The following STK25 variants were observed in gnomAD, a reference collection of about 807,000 sequenced individuals.
STK25 encodes the protein serine/threonine-protein kinase 25.
STK25 carries 29 observed loss-of-function variants against 53.8 expected under a neutral mutation model. The ratio of observed to expected loss-of-function variants is 0.54; its 90% CI spans 0.40 to 0.74. STK25 has a LOEUF of 0.74. Ranked by LOEUF, STK25 falls within the 30% of genes least tolerant of loss-of-function variation. The probability of loss-of-function intolerance (pLI) is 0.00; values close to 1 mark genes in which losing one functional copy is unlikely to be tolerated. For missense variants in STK25, 420 were observed against 568.0 expected, an observed-to-expected ratio of 0.74 and a Z score of 2.65; for synonymous variants, 247 against 238.3, an observed-to-expected ratio of 1.04 and a Z score of -0.33.
At position 241,496,524 on chromosome 2, in the gene STK25, TTC is replaced by T; in HGVS notation, c.1113_1114del (p.Lys372AlafsTer151). 5.6e-6 allele frequency: 9 copies of T among 1,613,570 alleles called. No homozygotes were observed. The highest frequency in any genetic ancestry group is 7.6e-6 in the Non-Finnish European group (9 of 1,179,894). ...CACGCTCCCGCCGCTCTGCTTGTGC[TTC>T]TCTTTGAGCTGTGAAAAGACCACCA... is the stretch of plus-strand genomic sequence containing the variant. On this transcript the variant is annotated frameshift_variant, in exon 11 of 12. Transcript: ENST00000316586. LOFTEE classifies it high-confidence loss of function. This position sits in a 1 kb window ranked among gnomAD's most constrained non-coding sequence, Gnocchi z 5.8.
chr2:241,508,624 C>A, upstream of STK25: 1 of 987,022 alleles, frequency 1.0e-6, no homozygotes, highest in African/African-American at 1.7e-5. Context: ...CGTCGCGGCC[C>A]GCGCACGGCT....
intron 9 of STK25, 44 bp downstream of exon 9, chr2:241,498,191 G>A (rs1176066992): frequency 6.4e-7 from 1 of 1,563,596 alleles, no homozygotes; most frequent in South Asian, 1.1e-5. Context: ...CCATCCCACG[G>A]CCCCAGGGGT....
At chr2:241,506,998 G>T (rs1347600993) in intron 2 of STK25, among the ~76,000 whole-genome samples, 1 of 152,180 alleles carries the variant, frequency 6.6e-6, no homozygotes, top group African/African-American at 2.4e-5. Context: ...TTCCTCCAAA[G>T]CAGCCCTGAC....
At chr2:241,508,199 G>A in intron 1 of STK25, 64 bp from the exon 2 acceptor site, 2 of 1,354,510 alleles carry the variant, frequency 1.5e-6, no homozygotes, top group Non-Finnish European at 9.4e-7. Flanking sequence ...CTCCGGGGCG[G>A]CGGGCTCCAT....
At chr2:241,505,111 G>T (rs1350694936) in intron 2 of STK25, among the ~76,000 whole-genome samples, 1 of 149,824 alleles carries the variant, frequency 6.7e-6, no homozygotes, top group Non-Finnish European at 1.5e-5. Context: ...TTTTTGTAGA[G>T]ACAGGGTTTC....
At chr2:241,499,223 A>T in intron 6 of STK25, 34 bp downstream of exon 6, 1 of 1,613,802 alleles carries the variant, frequency 6.2e-7, no homozygotes, top group South Asian at 1.1e-5. Context: ...CGAGCCAGGC[A>T]TGGTGCCCGC....
rs1228752113 is a variant in STK25 at position 241,495,412 on chromosome 2, C to T, written c.*250G>A. 9.5e-6 allele frequency: 5 copies of T among 524,134 alleles called. No individual in the cohort carries two copies. Among genetic ancestry groups the T allele is most frequent in the Admixed American group, 3.2e-5 (1 of 30,980 alleles). 32.5% of individuals were successfully genotyped at this position (524,134 alleles called of 1,614,324 possible). On this transcript the variant is annotated 3_prime_UTR_variant, in exon 12 of 12. Transcript: ENST00000316586. ...CGCCGGCGGCTGGAGCCCCCGTGAG[C>T]AATACTGCTGGGCCAGGAGAGGGAG...
chr2:241,502,557 G>A (rs1046673445), intron 2 of STK25, among the ~76,000 whole-genome samples: 10 of 152,074 alleles, frequency 6.6e-5, no homozygotes, highest in Non-Finnish European at 1.0e-4. Flanking sequence ...GACTAACATG[G>A]TAAAACCCCA....
chr2:241,497,315 C>G, intron 10 of STK25: 1 of 344,404 alleles, frequency 2.9e-6, no homozygotes, highest in South Asian at 4.5e-5. Flanking sequence ...CGGCACCTGC[C>G]CGGGGATGGA....
chr2:241,501,774 G>A lies in STK25; in HGVS notation c.31-66C>T. ...TCACAAGAGGCGGGGGACAGGCAGA[G>A]GCTGCCCTGCTGGGGAGGAAGGGAC... On this transcript the variant is annotated intron_variant, in intron 2 of 11. Coordinates refer to ENST00000316586, the MANE Select transcript of STK25 (RefSeq NM_001271977.2). The surrounding 1 kb of genome is among the most constrained non-coding windows in gnomAD (Gnocchi z 5.3). 1 of 1,305,804 alleles carries A rather than the reference G, an allele frequency of 7.7e-7. No individual in the cohort carries two copies. The highest frequency in any genetic ancestry group is 2.3e-5 in the East Asian group (1 of 43,004). 80.9% of individuals were successfully genotyped at this position (1,305,804 alleles called of 1,614,324 possible).
Position 241,501,567 on chromosome 2 carries a change from C to T in STK25, c.172G>A (p.Asp58Asn). 1 of 1,614,158 alleles carries T rather than the reference C, an allele frequency of 6.2e-7. No individual in the cohort carries two copies. Among genetic ancestry groups the T allele is most frequent in the Non-Finnish European group, 8.5e-7 (1 of 1,180,040 alleles). ...TCCTGCTGGATGTCCTCGATCTCATCCTCGGCCTCCTCCAGGTCGATGATC... is the reference window on the plus strand; with the variant it reads ...TCCTGCTGGATGTCCTCGATCTCATTCTCGGCCTCCTCCAGGTCGATGATC... The part of the protein sequence containing the change: ...IKIIDLEEAE[D>N]EIEDIQQEIT... Residue 58 changes from aspartate (D) to asparagine (N), a missense_variant, in exon 3 of 12, where the codon GAT becomes AAT. By Grantham distance (23) the Asp-to-Asn change is conservative. Transcript: ENST00000316586. The surrounding 1 kb of genome is among the most constrained non-coding windows in gnomAD (Gnocchi z 5.3).
At chr2:241,500,592 T>C (rs1438034192) in intron 4 of STK25, 148 bp downstream of exon 4, 2 of 860,190 alleles carry the variant, frequency 2.3e-6, no homozygotes, top group Non-Finnish European at 3.7e-6. Flanking sequence ...GACGTGCAGA[T>C]GGCAGTTCAT....
At position 241,494,003 on chromosome 2, in the gene STK25, T is replaced by A. The variant is rs754637602; in HGVS notation, c.*1659A>T. The A allele has an allele frequency of 3.6e-6, 5 of 1,386,894 alleles. No homozygotes were observed. Among genetic ancestry groups the A allele is most frequent in the Non-Finnish European group, 4.7e-6 (5 of 1,066,876 alleles). The allele number at this position is 1,386,894 out of a possible 1,614,324, so 85.9% of individuals were successfully genotyped here. A position where few individuals can be genotyped will look rare whatever the true frequency, so the allele number is the denominator to read the frequency against. The stretch of plus-strand genomic sequence containing the variant: ...CACTGGTCTGATGGCCGCCCTCTCC[T>A]CCAGGTGGATGGAGGTGATCCAGGG... On this transcript the variant is annotated 3_prime_UTR_variant, in exon 12 of 12. Transcript: ENST00000316586. The surrounding 1 kb of genome is among the most constrained non-coding windows in gnomAD (Gnocchi z 4.9).
At chr2:241,499,836 C>T (rs910790117) in intron 5 of STK25, 1 of 459,760 alleles carries the variant, frequency 2.2e-6, no homozygotes, top group Admixed American at 3.4e-5. Flanking sequence ...GCCCAGCCTC[C>T]CGTCTGCTCT....
rs1455218685 is a variant in STK25 at position 241,498,763 on chromosome 2, G to A, written c.793C>T (p.Leu265=). 31 of 1,613,992 alleles carry A rather than the reference G, an allele frequency of 1.9e-5. No homozygotes were observed. The highest frequency in any genetic ancestry group is 2.5e-5 in the Non-Finnish European group (30 of 1,180,024). The change falls in exon 8 of 12, where the codon CTG becomes TTG. Residue 265 remains leucine (L), a synonymous_variant. Transcript: ENST00000316586. ...TAGCGTGTGATGAACTTGTGCTTCA[G>A]GAGCTCCTTGGCCGTGGGCCGCTGC... ...PRFRPTAKEL[L]KHKFITRYTK...
Position 241,508,083 on chromosome 2 carries a change from G to C in STK25, c.-48C>G, listed in dbSNP as rs2065959379. ...CGCCAGCAGCCCCAGGAGGCGTCTG[G>C]ATCCCGCGGAGAGGCGCGGAGCCGG... On this transcript the variant is annotated 5_prime_UTR_variant, in exon 2 of 12. It adds an upstream start codon to the 5' untranslated region. Coordinates refer to ENST00000316586, the MANE Select transcript of STK25 (RefSeq NM_001271977.2). The C allele has an allele frequency of 6.4e-7, 1 of 1,572,024 alleles. No homozygotes were observed. Among genetic ancestry groups the C allele is most frequent in the African/African-American group, 1.4e-5 (1 of 73,496 alleles).
rs1355045430 is a variant in STK25, at chr2:241,500,294, G to A, written c.319-13C>T. 11 of 1,599,574 alleles carry A rather than the reference G, an allele frequency of 6.9e-6. No individual in the cohort carries two copies. The highest frequency in any genetic ancestry group is 1.7e-4 in the Middle Eastern group (1 of 6,012). ...GACCTGGTTTAAGCTGGAGAGGAAGGTGCGACAGCAGGGCCTCAGCTCCTG... is the reference window on the plus strand; with the variant it reads ...GACCTGGTTTAAGCTGGAGAGGAAGATGCGACAGCAGGGCCTCAGCTCCTG... On this transcript the variant is annotated splice_polypyrimidine_tract_variant and intron_variant, in intron 4 of 11. Coordinates refer to ENST00000316586, the MANE Select transcript of STK25 (RefSeq NM_001271977.2).
In STK25 at chr2:241,496,663, T is replaced by C. The variant is rs1203122348; in HGVS notation, c.1105-129A>G. 19 of 1,078,316 alleles carry C rather than the reference T, an allele frequency of 1.8e-5. No individual in the cohort carries two copies. Among genetic ancestry groups the C allele is most frequent in the African/African-American group, 3.2e-5 (2 of 63,008 alleles). 66.8% of individuals were successfully genotyped at this position (1,078,316 alleles called of 1,614,324 possible). A position where few individuals can be genotyped will look rare whatever the true frequency, so the allele number is the denominator to read the frequency against. ...GCCTAGGAGCCACACCCGGGAGCCC[T>C]TCAGCAAGCCGGGAAGTGAGGTGGC... On this transcript the variant is annotated intron_variant, in intron 10 of 11. Coordinates refer to ENST00000316586, the MANE Select transcript of STK25 (RefSeq NM_001271977.2). The surrounding 1 kb of genome is among the most constrained non-coding windows in gnomAD (Gnocchi z 5.8).
At chr2:241,508,807 C>G, upstream of STK25, 1 of 956,680 alleles carries the variant, frequency 1.0e-6, no homozygotes, top group Non-Finnish European at 1.2e-6. Flanking sequence ...CCCGGCAGGC[C>G]GCGCGCCTGG....
Sources: allele counts gnomAD v4.1 joint callset (sites outside exome capture counted in the v4.1 genomes callset), GRCh38; gene constraint gnomAD v4.1.1; non-coding constraint Gnocchi (gnomAD v3.1); transcripts MANE v1.5; gene names NCBI Gene and HGNC (gene_info 2026-07-23, HGNC 2026-07-21).